Variants in SH3BGRL2 observed in about 807,000 individuals in gnomAD.
SH3BGRL2 encodes the protein SH3 domain binding glutamate rich protein like 2.
In SH3BGRL2, 21 loss-of-function variants were observed where a neutral mutation model predicts 14.8. The ratio of observed to expected loss-of-function variants is 1.42; its 90% confidence interval spans 1.01 to 2.05. The LOEUF is 2.05. Ranked by LOEUF, SH3BGRL2 falls within the 30% of genes most tolerant of loss-of-function variation. The probability of loss-of-function intolerance (pLI) is 0.00; values close to 1 mark genes in which losing one functional copy is unlikely to be tolerated. For missense variants in SH3BGRL2, 147 were observed against 130.8 expected, an observed-to-expected ratio of 1.12 and a Z score of -0.61; for synonymous variants, 50 against 47.8, an observed-to-expected ratio of 1.05 and a Z score of -0.19.
In SH3BGRL2 at chr6:79,635,063, C is replaced by A. The variant is rs182674109; in HGVS notation, c.45+3557C>A. On this transcript the variant is annotated intron_variant, in intron 1 of 3. Transcript: ENST00000369838. Reference sequence around the variant, plus strand: ...AGCATCTCAGAGATGTCTTTAGTTTCTGCAGCTTGTCTGCTGCCTGGAGCC... The same window carrying A: ...AGCATCTCAGAGATGTCTTTAGTTTATGCAGCTTGTCTGCTGCCTGGAGCC... Among the ~76,000 whole-genome samples the A allele has an allele frequency of 3.7e-3, 563 of 152,312 alleles. 1 individual carries two copies. Among genetic ancestry groups the A allele is most frequent in the Non-Finnish European group, 5.6e-3 (384 of 68,040 alleles).
intron 1 of SH3BGRL2, among the ~76,000 whole-genome samples, chr6:79,657,609 T>C (rs984379122): frequency 2.0e-5 from 3 of 152,056 alleles, no homozygotes; most frequent in African/African-American, 7.2e-5. Context: ...TATAGACTTG[T>C]TAATTTTTTT....
At chr6:79,550,807 AT>A in the SH3BGRL2 span, among the ~76,000 whole-genome samples, 1 of 151,988 alleles carries the variant, frequency 6.6e-6, no homozygotes, top group South Asian at 2.1e-4. Flanking sequence ...TCTCACTTGT[AT>A]TTCAGTGTCA....
In SH3BGRL2 at chr6:79,684,548, T is replaced by A. The variant is rs1258717846; in HGVS notation, c.231+10749T>A. 2.6e-5 allele frequency among the ~76,000 whole-genome samples: 4 copies of A among 152,158 alleles called. No homozygotes were observed. In the East Asian group the frequency reaches 5.8e-4, roughly 22 times the overall value. ...TAAATGGTGTTTTCAGCTCAGGTGTTTTCAGCTCAGGAGGTAGCCAGCCCA... is the reference window on the plus strand; with the variant it reads ...TAAATGGTGTTTTCAGCTCAGGTGTATTCAGCTCAGGAGGTAGCCAGCCCA... On this transcript the variant is annotated intron_variant, in intron 2 of 3. Coordinates refer to ENST00000369838, the MANE Select transcript of SH3BGRL2 (RefSeq NM_031469.4).
chr6:79,655,334 A>G (rs895201812), intron 1 of SH3BGRL2, among the ~76,000 whole-genome samples: 1 of 152,090 alleles, frequency 6.6e-6, no homozygotes. Flanking sequence ...ATGAAGGGAG[A>G]CTGCATAGGG....
At chr6:79,665,586 A>C (rs1384457229) in intron 1 of SH3BGRL2, among the ~76,000 whole-genome samples, 1 of 152,242 alleles carries the variant, frequency 6.6e-6, no homozygotes, top group Non-Finnish European at 1.5e-5. Context: ...TCAAGAAAAC[A>C]GGACCAAAAA....
chr6:79,590,933 T>C, the SH3BGRL2 span, among the ~76,000 whole-genome samples: 7 of 152,210 alleles, frequency 4.6e-5, no homozygotes, highest in Non-Finnish European at 1.0e-4. Flanking sequence ...GTTAAGTATA[T>C]TTTTTAAAAT....
chr6:79,657,100 T>C (rs1484300099), intron 1 of SH3BGRL2, among the ~76,000 whole-genome samples: 2 of 152,092 alleles, frequency 1.3e-5, no homozygotes, highest in Admixed American at 1.3e-4. Context: ...GATTCCAGGG[T>C]TCTGAAGATG....
At chr6:79,633,344 C>G (rs1768861626) in intron 1 of SH3BGRL2, among the ~76,000 whole-genome samples, 1 of 152,214 alleles carries the variant, frequency 6.6e-6, no homozygotes, top group South Asian at 2.1e-4. Flanking sequence ...TTTGACTTCA[C>G]CAGGTGAGTA....
At chr6:79,583,033 G>T in the SH3BGRL2 span, among the ~76,000 whole-genome samples, 2 of 152,188 alleles carry the variant, frequency 1.3e-5, no homozygotes, top group African/African-American at 4.8e-5. Context: ...CAGAAAAAAT[G>T]CTCATCATCA....
At chr6:79,573,210 G>C in the SH3BGRL2 span, among the ~76,000 whole-genome samples, 1 of 151,902 alleles carries the variant, frequency 6.6e-6, no homozygotes. Flanking sequence ...TTTTCCCTCT[G>C]TATAGATACC....
chr6:79,652,425 A>G (rs565289532), intron 1 of SH3BGRL2, among the ~76,000 whole-genome samples: 1 of 152,332 alleles, frequency 6.6e-6, no homozygotes, highest in South Asian at 2.1e-4. Context: ...TTATAAAAGT[A>G]TCATTCTGCA....
chr6:79,566,642 A>G, the SH3BGRL2 span, among the ~76,000 whole-genome samples: 1 of 152,138 alleles, frequency 6.6e-6, no homozygotes, highest in South Asian at 2.1e-4. Flanking sequence ...TATATTTTCC[A>G]TAATATCTAG....
chr6:79,619,207 C>G, the SH3BGRL2 span, among the ~76,000 whole-genome samples: 1 of 152,094 alleles, frequency 6.6e-6, no homozygotes, highest in African/African-American at 2.4e-5. Context: ...CTCCTGACCC[C>G]TCTAGGTAAC....
chr6:79,686,284 T>C (rs1770088211), intron 2 of SH3BGRL2, among the ~76,000 whole-genome samples: 1 of 152,214 alleles, frequency 6.6e-6, no homozygotes, highest in African/African-American at 2.4e-5. Flanking sequence ...CTTTTTTCAC[T>C]TGAGAGCAAG....
the SH3BGRL2 span, among the ~76,000 whole-genome samples, chr6:79,593,878 A>G: frequency 1.3e-5 from 2 of 152,348 alleles, no homozygotes; most frequent in South Asian, 4.1e-4. Context: ...GACAGCAAAC[A>G]GTGACAAGAG....
chr6:79,629,679 C>A (rs1165843292), upstream of SH3BGRL2, among the ~76,000 whole-genome samples: 1 of 152,210 alleles, frequency 6.6e-6, no homozygotes, highest in Non-Finnish European at 1.5e-5. Context: ...TTCTACTCAT[C>A]TTTAAAGTAC....
chr6:79,660,431 TG>T (rs1371598387), intron 1 of SH3BGRL2, among the ~76,000 whole-genome samples: 1 of 148,108 alleles, frequency 6.8e-6, no homozygotes, highest in African/African-American at 2.4e-5. Context: ...GTTCATGTGA[TG>T]GATTACGTTT....
At position 79,701,737 on chromosome 6, in the gene SH3BGRL2, T is replaced by G. The variant is rs1462867464; in HGVS notation, c.*2228T>G. On this transcript the variant is annotated 3_prime_UTR_variant, in exon 4 of 4. Coordinates refer to ENST00000369838, the MANE Select transcript of SH3BGRL2 (RefSeq NM_031469.4). ...ACCCAGGCTCCACAGAGTACCAAGA[T>G]GTTGCCCTCTGGGACCACACTTAGC... The G allele has an allele frequency of 6.6e-6, 1 of 151,958 alleles. No homozygotes were observed. The highest frequency in any genetic ancestry group is 1.5e-5 in the Non-Finnish European group (1 of 68,010). 9.4% of individuals were successfully genotyped at this position (151,958 alleles called of 1,614,324 possible).
At chr6:79,619,820 A>G in the SH3BGRL2 span, among the ~76,000 whole-genome samples, 5 of 152,238 alleles carry the variant, frequency 3.3e-5, no homozygotes, top group South Asian at 2.1e-4. Flanking sequence ...TATAGCAGAC[A>G]TAAGTGGGAA....
Sources: gnomAD v4.1 joint callset for allele counts (sites outside exome capture counted in the v4.1 genomes callset) on GRCh38, gnomAD v4.1.1 for gene constraint, MANE v1.5 for transcripts, NCBI Gene and HGNC (gene_info 2026-07-23, HGNC 2026-07-21) for gene names.